Variants in ADAMTS12 observed in about 807,000 individuals in gnomAD.
The protein encoded by ADAMTS12 is A disintegrin and metalloproteinase with thrombospondin motifs 12.
Under a neutral mutation model 167.8 loss-of-function variants are expected in ADAMTS12, and 118 were observed. That is an observed-to-expected ratio of 0.70 (90% CI 0.61 to 0.82). ADAMTS12 has a LOEUF of 0.82. Among genes scored for constraint, ADAMTS12 ranks in the 40% least tolerant of loss-of-function variants. The pLI, the probability that ADAMTS12 is intolerant of heterozygous loss-of-function variation, is 0.00. For missense variants in ADAMTS12, 1,916 were observed against 1,998.8 expected (o/e 0.96, Z 0.79); for synonymous variants, 704 against 716.9 (o/e 0.98, Z 0.29).
At position 33,577,178 on chromosome 5, in the gene ADAMTS12, C is replaced by G; in HGVS notation, c.2866-18G>C. 2 of 1,613,922 alleles carry G rather than the reference C, an allele frequency of 1.2e-6. No homozygotes were observed. Among genetic ancestry groups the G allele is most frequent in the Non-Finnish European group, 1.7e-6 (2 of 1,180,012 alleles). ...ACAGAACACTAGAAGAGAGAAACAG[C>G]TGTTAGCCTGGCGAGAGAAGATGCT... On this transcript the variant is annotated intron_variant, in intron 18 of 23. Coordinates refer to ENST00000504830, the MANE Select transcript of ADAMTS12 (RefSeq NM_030955.4).
chr5:33,725,836 G>A (rs1052486656), intron 3 of ADAMTS12, among the ~76,000 whole-genome samples: 2 of 152,158 alleles, frequency 1.3e-5, no homozygotes, highest in Admixed American at 1.3e-4. Flanking sequence ...ACAAATTCTT[G>A]GGTTCCACTC....
chr5:33,715,785 C>T (rs1743590218), intron 3 of ADAMTS12, among the ~76,000 whole-genome samples: 2 of 152,078 alleles, frequency 1.3e-5, no homozygotes, highest in African/African-American at 2.4e-5. Flanking sequence ...ACACAAGGAA[C>T]TATTTTTAAA....
At chr5:33,570,429 G>T (rs1746264816) in intron 19 of ADAMTS12, among the ~76,000 whole-genome samples, 1 of 152,112 alleles carries the variant, frequency 6.6e-6, no homozygotes, top group East Asian at 1.9e-4. Context: ...AGAAGAGAGT[G>T]GGGGCCAATA....
chr5:33,542,090 C>A lies in ADAMTS12; in HGVS notation c.4446+3969G>T, dbSNP rs558597534. On this transcript the variant is annotated intron_variant, in intron 22 of 23. Coordinates refer to ENST00000504830, the MANE Select transcript of ADAMTS12 (RefSeq NM_030955.4). ...CCCATTGGTGTGTATATTCAGGAGA[C>A]CCATCTCACATGCAGAGAAACACAT... is the stretch of plus-strand genomic sequence containing the variant. Among the ~76,000 whole-genome samples the A allele has an allele frequency of 2.0e-5, 3 of 151,962 alleles. No homozygotes were observed. In the South Asian group the frequency reaches 6.2e-4, roughly 32 times the overall value.
intron 16 of ADAMTS12, chr5:33,603,812 A>C (rs886556884): frequency 1.3e-5 from 2 of 152,216 alleles, no homozygotes; most frequent in Admixed American, 6.5e-5. Flanking sequence ...AATGTGTAAC[A>C]GTAATATATC....
chr5:33,857,516 T>C (rs72741498), intron 2 of ADAMTS12, among the ~76,000 whole-genome samples: 157 of 152,282 alleles, frequency 1.0e-3, no homozygotes, highest in Middle Eastern at 3.4e-3. Flanking sequence ...TATATATGTA[T>C]AACAGATCAC....
chr5:33,751,087 A>G (rs932706986), intron 3 of ADAMTS12: 1 of 448,442 alleles, frequency 2.2e-6, no homozygotes, highest in Non-Finnish European at 3.9e-6. Context: ...GACTATTCAG[A>G]AGAGTTTTTT....
intron 5 of ADAMTS12, among the ~76,000 whole-genome samples, chr5:33,676,379 A>T (rs924111251): frequency 2.6e-5 from 4 of 152,180 alleles, no homozygotes; most frequent in Non-Finnish European, 5.9e-5. Flanking sequence ...AAGAAAGAGG[A>T]TGAGCAGAGA....
At chr5:33,539,393 CAA>C (rs1178836009) in intron 22 of ADAMTS12, among the ~76,000 whole-genome samples, 1 of 152,134 alleles carries the variant, frequency 6.6e-6, no homozygotes, top group Non-Finnish European at 1.5e-5. Flanking sequence ...TGTGGGCTGA[CAA>C]GAGGCCTGAA....
At chr5:33,731,141 A>G (rs1744179546) in intron 3 of ADAMTS12, among the ~76,000 whole-genome samples, 1 of 152,106 alleles carries the variant, frequency 6.6e-6, no homozygotes, top group African/African-American at 2.4e-5. Context: ...TGCTATTATG[A>G]ATTAATAAAT....
chr5:33,640,515 G>A (rs986995346), intron 11 of ADAMTS12, among the ~76,000 whole-genome samples: 2 of 152,026 alleles, frequency 1.3e-5, no homozygotes, highest in Non-Finnish European at 2.9e-5. Flanking sequence ...TCACATTTCT[G>A]GATCAAATGG....
At chr5:33,690,989 G>A (rs542477563) in intron 3 of ADAMTS12, among the ~76,000 whole-genome samples, 6 of 152,286 alleles carry the variant, frequency 3.9e-5, no homozygotes, top group East Asian at 1.9e-4. Context: ...CTTAGACATC[G>A]ATTGAACTCT....
At chr5:33,881,544 G>A (rs935038414) in intron 1 of ADAMTS12, 64 bp from the exon 2 acceptor site, 24 of 1,529,942 alleles carry the variant, frequency 1.6e-5, no homozygotes, top group East Asian at 6.8e-5. Context: ...AGCCACTTTC[G>A]TTTGGAACTT....
At chr5:33,667,032 C>T (rs1359012348) in intron 5 of ADAMTS12, among the ~76,000 whole-genome samples, 2 of 152,138 alleles carry the variant, frequency 1.3e-5, no homozygotes, top group African/African-American at 2.4e-5. Flanking sequence ...TAACTCCTGT[C>T]TACTGCTAAG....
chr5:33,549,203 C>A lies in ADAMTS12; in HGVS notation c.4302+4G>T, dbSNP rs780851863. 7 of 1,611,874 alleles carry A rather than the reference C, an allele frequency of 4.3e-6. No homozygotes were observed. The highest frequency in any genetic ancestry group is 3.3e-5 in the South Asian group (3 of 90,990). ...GGACATCTCTCCCTTTGTGGGGGACCTACCTGGCTCCAAGGCTCCACCTGC... is the reference window on the plus strand; with the variant it reads ...GGACATCTCTCCCTTTGTGGGGGACATACCTGGCTCCAAGGCTCCACCTGC... On this transcript the variant is annotated splice_donor_region_variant and intron_variant, in intron 21 of 23. Coordinates refer to ENST00000504830, the MANE Select transcript of ADAMTS12 (RefSeq NM_030955.4).
chr5:33,645,921 C>T (rs1202043104), intron 9 of ADAMTS12, among the ~76,000 whole-genome samples: 1 of 152,040 alleles, frequency 6.6e-6, no homozygotes. Context: ...AGGAGATAGT[C>T]TAGTAAACAA....
In ADAMTS12 at chr5:33,881,428, T is replaced by C. The variant is rs778235289; in HGVS notation, c.180A>G (p.Val60=). Residue 60 remains valine, a synonymous_variant, in exon 2 of 24, where the codon GTA becomes GTG. Coordinates refer to ENST00000504830, the MANE Select transcript of ADAMTS12 (RefSeq NM_030955.4). Reference sequence around the variant, plus strand: ...ATGACAAAAAATGCCCACTGGCATCTACTCGGACTGGACCCACCACGTGGT... The same window carrying C: ...ATGACAAAAAATGCCCACTGGCATCCACTCGGACTGGACCCACCACGTGGT... ...PEYHVVGPVR[V]DASGHFLSYG... The C allele has an allele frequency of 2.5e-5, 40 of 1,613,916 alleles. No individual in the cohort carries two copies. In the South Asian group the frequency reaches 4.2e-4, roughly 17 times the overall value.
chr5:33,701,609 A>C (rs768495993), intron 3 of ADAMTS12, among the ~76,000 whole-genome samples: 6 of 152,238 alleles, frequency 3.9e-5, no homozygotes, highest in Non-Finnish European at 7.3e-5. Flanking sequence ...AATGGTCAAA[A>C]TATAAAATAC....
At chr5:33,858,812 G>C (rs569767948) in intron 2 of ADAMTS12, among the ~76,000 whole-genome samples, 25 of 152,164 alleles carry the variant, frequency 1.6e-4, no homozygotes, top group African/African-American at 5.1e-4. Flanking sequence ...GAGGCACCCA[G>C]CTCATCTCAT....
Sources: gnomAD v4.1 joint callset for allele counts (sites outside exome capture counted in the v4.1 genomes callset) on GRCh38, gnomAD v4.1.1 for gene constraint, MANE v1.5 for transcripts, NCBI Gene and HGNC (gene_info 2026-07-23, HGNC 2026-07-21) for gene names.